The following NRXN3 variants were observed in gnomAD, a reference collection of about 807,000 sequenced individuals.
NRXN3 encodes the protein neurexin 3.
NRXN3 carries 32 observed loss-of-function variants against 137.6 expected under a neutral mutation model. The ratio of observed to expected loss-of-function variants is 0.23; its 90% CI spans 0.18 to 0.31. The LOEUF is 0.31. NRXN3 is among the 10% of genes least tolerant of loss of function. The pLI is 1.00. For missense variants in NRXN3, 1,574 were observed against 2,062.5 expected (o/e 0.76, Z 4.59); for synonymous variants, 798 against 784.5 (o/e 1.02, Z -0.29).
intron 16 of NRXN3, among the ~76,000 whole-genome samples, chr14:79,521,578 A>C (rs2097065254): frequency 6.6e-6 from 1 of 151,852 alleles, no homozygotes; most frequent in African/African-American, 2.4e-5. Flanking sequence ...TATTTAATAC[A>C]GAAAAAAACA....
At chr14:79,026,012 C>T (rs1047383741) in intron 15 of NRXN3, among the ~76,000 whole-genome samples, 8 of 152,038 alleles carry the variant, frequency 5.3e-5, no homozygotes, top group East Asian at 1.9e-4. Flanking sequence ...TATGTCTCAT[C>T]GGTCAGCATT....
At chr14:78,726,544 G>A (rs761866383) in intron 8 of NRXN3, among the ~76,000 whole-genome samples, 1 of 118,058 alleles carries the variant, frequency 8.5e-6, no homozygotes. Context: ...TTGAGAGAAG[G>A]CCTGGCTCTT....
chr14:79,374,055 C>G (rs746617823), intron 15 of NRXN3, among the ~76,000 whole-genome samples: 2 of 151,966 alleles, frequency 1.3e-5, no homozygotes, highest in Non-Finnish European at 2.9e-5. Flanking sequence ...ATCTGTGGAC[C>G]AACTTACTAA....
intron 10 of NRXN3, among the ~76,000 whole-genome samples, chr14:78,900,568 A>G (rs1456429953): frequency 2.6e-5 from 4 of 151,822 alleles, no homozygotes; most frequent in Non-Finnish European, 4.4e-5. Context: ...GTGTCCATAA[A>G]GTCTGGGATG....
intron 15 of NRXN3, among the ~76,000 whole-genome samples, chr14:79,182,746 T>A (rs2063083390): frequency 6.6e-6 from 1 of 152,162 alleles, no homozygotes; most frequent in Non-Finnish European, 1.5e-5. Context: ...TCATGGAACC[T>A]ATATTCTAGT....
rs74065975 is a variant in NRXN3, at chr14:78,285,456, A to G, written c.727+6794A>G. Reference sequence around the variant, plus strand: ...TTTGGCCCATTTCACCCATGAACCAATTGAGGCTCAGGTACAATAAGTACC... The same window carrying G: ...TTTGGCCCATTTCACCCATGAACCAGTTGAGGCTCAGGTACAATAAGTACC... On this transcript the variant is annotated intron_variant, in intron 3 of 20. Coordinates refer to ENST00000335750, the MANE Select transcript of NRXN3 (RefSeq NM_001330195.2). Among the ~76,000 whole-genome samples, 306 of 152,228 alleles carry G rather than the reference A, an allele frequency of 2.0e-3. 2 individuals carry two copies. The highest frequency in any genetic ancestry group is 7.0e-3 in the African/African-American group (291 of 41,540).
intron 16 of NRXN3, among the ~76,000 whole-genome samples, chr14:79,538,396 G>T (rs1199285597): frequency 6.6e-6 from 1 of 152,102 alleles, no homozygotes; most frequent in Non-Finnish European, 1.5e-5. Context: ...GTATTGCCTA[G>T]GTTTTCTTCT....
intron 19 of NRXN3, among the ~76,000 whole-genome samples, chr14:79,773,749 G>C (rs1204343149): frequency 6.7e-6 from 1 of 148,684 alleles, no homozygotes; most frequent in Non-Finnish European, 1.5e-5. Flanking sequence ...TGCACAATGT[G>C]CACATGTACC....
At position 79,767,862 on chromosome 14, in the gene NRXN3, G is replaced by A. The variant is rs571349079; in HGVS notation, c.4015-37250G>A. Among the ~76,000 whole-genome samples the A allele has an allele frequency of 1.8e-3, 275 of 152,258 alleles. 1 individual carries two copies. Among genetic ancestry groups the A allele is most frequent in the African/African-American group, 5.8e-3 (242 of 41,562 alleles). On this transcript the variant is annotated intron_variant, in intron 19 of 20. Coordinates refer to ENST00000335750, the MANE Select transcript of NRXN3 (RefSeq NM_001330195.2). ...TTTCTGCATTTCCATCTGAGGTACC[G>A]AGTTCATCTCACTAGGGAGTGCAAG...
intron 16 of NRXN3, among the ~76,000 whole-genome samples, chr14:79,609,647 A>G (rs933314083): frequency 3.9e-5 from 6 of 152,254 alleles, no homozygotes; most frequent in Non-Finnish European, 7.3e-5. Flanking sequence ...CACTACGTAG[A>G]GTAAAATGTA....
At chr14:79,697,137 A>C (rs905722216) in intron 18 of NRXN3, among the ~76,000 whole-genome samples, 2 of 152,038 alleles carry the variant, frequency 1.3e-5, no homozygotes, top group Non-Finnish European at 2.9e-5. Flanking sequence ...CTGAAATTTA[A>C]TTTCAGCTAA....
intron 4 of NRXN3, among the ~76,000 whole-genome samples, chr14:78,556,134 A>C (rs781578654): frequency 6.6e-6 from 1 of 152,194 alleles, no homozygotes; most frequent in East Asian, 1.9e-4. Flanking sequence ...ACCATTTTCC[A>C]AGGCAAATCC....
At chr14:78,658,277 GGCTTTTAGCAA>G (rs1336357138) in intron 6 of NRXN3, among the ~76,000 whole-genome samples, 1 of 152,134 alleles carries the variant, frequency 6.6e-6, no homozygotes, top group Non-Finnish European at 1.5e-5. Flanking sequence ...CTAGTTGCAT[GGCTTTTAGCAA>G]GCCGCATGAC....
At chr14:78,868,004 A>G (rs2099091597) in intron 10 of NRXN3, among the ~76,000 whole-genome samples, 1 of 148,230 alleles carries the variant, frequency 6.7e-6, no homozygotes, top group Non-Finnish European at 1.5e-5. Flanking sequence ...ATTTTAAATC[A>G]TATATAAATT....
At chr14:79,058,663 CTG>C (rs1158242873) in intron 15 of NRXN3, among the ~76,000 whole-genome samples, 1 of 152,112 alleles carries the variant, frequency 6.6e-6, no homozygotes, top group Non-Finnish European at 1.5e-5. Context: ...TGGTTTAACT[CTG>C]TGTCCCCACC....
intron 10 of NRXN3, among the ~76,000 whole-genome samples, chr14:78,953,228 G>GA (rs149994591): frequency 0.06 from 9,067 of 152,188 alleles, 410 homozygotes; most frequent in Admixed American, 0.084. Flanking sequence ...CCAAAAGAGG[G>GA]AAAAATCTGA....
rs182211693 is a variant in NRXN3 at position 79,227,628 on chromosome 14, C to T, written c.3262+239487C>T. 4.6e-4 allele frequency among the ~76,000 whole-genome samples: 70 copies of T among 152,252 alleles called. No homozygotes were observed. The East Asian group carries it at 0.012, about 26-fold the overall frequency. On this transcript the variant is annotated intron_variant, in intron 15 of 20. Coordinates refer to ENST00000335750, the MANE Select transcript of NRXN3 (RefSeq NM_001330195.2). Reference sequence around the variant, plus strand: ...TTTATTGGTGGATTGTACCCATCCTCGTTAGATCACCAAAGGCAGTATGTA... The same window carrying T: ...TTTATTGGTGGATTGTACCCATCCTTGTTAGATCACCAAAGGCAGTATGTA...
At chr14:78,798,334 C>T (rs531648719) in intron 8 of NRXN3, among the ~76,000 whole-genome samples, 4 of 152,200 alleles carry the variant, frequency 2.6e-5, no homozygotes, top group Admixed American at 6.5e-5. Context: ...TCCAGTAAGT[C>T]GGTCATTAAA....
chr14:79,257,762 C>T (rs1735461426), intron 15 of NRXN3, among the ~76,000 whole-genome samples: 2 of 151,646 alleles, frequency 1.3e-5, no homozygotes, highest in Non-Finnish European at 2.9e-5. Context: ...ATGATATCAA[C>T]CTTTGTACAA....
Sources: gnomAD v4.1 joint callset for allele counts (sites outside exome capture counted in the v4.1 genomes callset) on GRCh38, gnomAD v4.1.1 for gene constraint, MANE v1.5 for transcripts, NCBI Gene and HGNC (gene_info 2026-07-23, HGNC 2026-07-21) for gene names.